MCM9: variants seen among roughly 807,000 people sequenced by gnomAD.
The protein encoded by MCM9 is DNA helicase MCM9.
Under a neutral mutation model 72.8 loss-of-function variants are expected in MCM9, and 55 were observed. The observed-to-expected ratio is 0.76, with a 90% CI of 0.61 to 0.95. The LOEUF is 0.95. Ranked by LOEUF, MCM9 falls within the 40% of genes least tolerant of loss-of-function variation. The pLI is 0.00. For missense variants in MCM9, 1,279 were observed against 1,377.0 expected (o/e 0.93, Z 1.13); for synonymous variants, 480 against 503.4 (o/e 0.95, Z 0.62).
chr6:118,882,473 A>G (rs985090638), intron 8 of MCM9, among the ~76,000 whole-genome samples: 8 of 152,232 alleles, frequency 5.3e-5, no homozygotes, highest in Admixed American at 1.3e-4. Flanking sequence ...GAAACAGCCA[A>G]CAAGAGCACT....
chr6:118,921,473 G>T (rs1781421797), intron 5 of MCM9: 1 of 152,198 alleles, frequency 6.6e-6, no homozygotes, highest in Non-Finnish European at 1.5e-5. Context: ...ATCGGCCAAT[G>T]AAAACATTGA....
At chr6:118,882,715 TAC>T (rs201133504) in intron 8 of MCM9, among the ~76,000 whole-genome samples, 11,594 of 152,084 alleles carry the variant, frequency 0.076, 680 homozygotes, top group East Asian at 0.19. Context: ...AGAGTGACTG[TAC>T]ACACACGTAA....
chr6:118,855,514 T>TC (rs528565427), intron 9 of MCM9, among the ~76,000 whole-genome samples: 162 of 151,902 alleles, frequency 1.1e-3, no homozygotes, highest in Middle Eastern at 3.4e-3. Context: ...TATCCTACTC[T>TC]CCCCCCCTCC....
intron 5 of MCM9, chr6:118,919,677 A>G (rs1781277908): frequency 6.6e-6 from 1 of 152,202 alleles, no homozygotes; most frequent in African/African-American, 2.4e-5. Flanking sequence ...AAACTTCTGT[A>G]TTTTTCAAAA....
chr6:118,818,166 C>T (rs939776310), intron 13 of MCM9, among the ~76,000 whole-genome samples: 2 of 152,122 alleles, frequency 1.3e-5, no homozygotes, highest in Non-Finnish European at 2.9e-5. Flanking sequence ...GCTTTTGTTG[C>T]AATTGCTTTT....
In MCM9 at chr6:118,892,831, G is replaced by C. The variant is rs375523209; in HGVS notation, c.1150+18819C>G. 4.6e-5 allele frequency among the ~76,000 whole-genome samples: 7 copies of C among 152,290 alleles called. No homozygotes were observed. The East Asian group carries it at 1.4e-3, about 29-fold the overall frequency. On this transcript the variant is annotated intron_variant, in intron 8 of 13. Transcript: ENST00000619706. ...CCCACTCTAACCGGTTTTCCTAAAT[G>C]TACGAGGGGTTGACATTAGCTGTCT...
At chr6:118,872,298 G>A (rs1777652330) in intron 8 of MCM9, among the ~76,000 whole-genome samples, 1 of 144,846 alleles carries the variant, frequency 6.9e-6, no homozygotes, top group Non-Finnish European at 1.5e-5. Context: ...CAGCCTGGGC[G>A]ATGGAGCAAG....
At chr6:118,913,521 T>C in intron 6 of MCM9, 101 bp from the exon 7 acceptor site, 1 of 1,439,312 alleles carries the variant, frequency 6.9e-7, no homozygotes, top group Non-Finnish European at 9.5e-7. Flanking sequence ...TTAAATATAC[T>C]CTACTATGTG....
At chr6:118,855,573 C>T (rs1456227582) in intron 9 of MCM9, among the ~76,000 whole-genome samples, 1 of 152,090 alleles carries the variant, frequency 6.6e-6, no homozygotes, top group Admixed American at 6.6e-5. Context: ...ACAAATAGAT[C>T]TCATAGAATC....
chr6:118,922,158 T>A, intron 4 of MCM9, 72 bp from the exon 5 acceptor site: 1 of 1,087,232 alleles, frequency 9.2e-7, no homozygotes, highest in Non-Finnish European at 1.3e-6. Context: ...CTAGCAGTAC[T>A]TGAAATTACT....
intron 5 of MCM9, 81 bp downstream of exon 5, chr6:118,921,924 T>C (rs1427337407): frequency 9.6e-7 from 1 of 1,037,300 alleles, no homozygotes; most frequent in African/African-American, 1.6e-5. Context: ...CCAGTGATCT[T>C]GGGAAAATAA....
At chr6:118,932,539 G>A (rs1387063142) in intron 2 of MCM9, 68 bp downstream of exon 2, 1 of 867,688 alleles carries the variant, frequency 1.2e-6, no homozygotes, top group Non-Finnish European at 1.4e-6. Flanking sequence ...ATTCTTTCGT[G>A]TGCTCTCTCT....
chr6:118,913,494 T>A, intron 6 of MCM9, 74 bp from the exon 7 acceptor site: 1 of 1,574,348 alleles, frequency 6.4e-7, no homozygotes, highest in Non-Finnish European at 8.7e-7. Context: ...CTTCCTTTCC[T>A]ATCTGACCAT....
chr6:118,869,719 G>A (rs983392099), intron 8 of MCM9, among the ~76,000 whole-genome samples: 1 of 151,410 alleles, frequency 6.6e-6, no homozygotes, highest in African/African-American at 2.4e-5. Context: ...TAGAGTGGCT[G>A]AATGGATAAA....
At chr6:118,911,950 T>G (rs1780586144) in intron 7 of MCM9, 181 bp from the exon 8 acceptor site, 2 of 461,940 alleles carry the variant, frequency 4.3e-6, no homozygotes, top group Admixed American at 7.7e-5. Context: ...GATTACTCAA[T>G]GTGACATAGA....
At chr6:118,846,539 G>A (rs981388942) in intron 9 of MCM9, among the ~76,000 whole-genome samples, 8 of 151,714 alleles carry the variant, frequency 5.3e-5, no homozygotes, top group Admixed American at 5.2e-4. Flanking sequence ...TAGACAGAGG[G>A]GCCTGAAAGT....
intron 3 of MCM9, among the ~76,000 whole-genome samples, chr6:118,926,268 C>G (rs1000718324): frequency 6.6e-6 from 1 of 152,192 alleles, no homozygotes; most frequent in African/African-American, 2.4e-5. Flanking sequence ...ACCTAACCCA[C>G]TGAACATCAT....
Position 118,814,142 on chromosome 6 carries a change from T to C in MCM9, c.*682A>G, listed in dbSNP as rs527578885. The stretch of plus-strand genomic sequence containing the variant: ...AGAAAAAAGAATCTGAAGTACAAAA[T>C]GTTGGCTCAAGAAAGAAAGGACAAC... On this transcript the variant is annotated 3_prime_UTR_variant, in exon 14 of 14. Coordinates refer to ENST00000619706, the MANE Select transcript of MCM9 (RefSeq NM_017696.3). 5 of 152,224 alleles carry C rather than the reference T, an allele frequency of 3.3e-5. No individual in the cohort carries two copies. Among genetic ancestry groups the C allele is most frequent in the African/African-American group, 1.2e-4 (5 of 41,524 alleles). The allele number at this position is 152,224 out of a possible 1,614,324, so 9.4% of individuals were successfully genotyped here.
intron 8 of MCM9, chr6:118,894,388 C>G (rs747874429): frequency 7.2e-6 from 11 of 1,536,966 alleles, no homozygotes; most frequent in South Asian, 7.1e-5. Flanking sequence ...AGCCCCAGTT[C>G]CCATTGTTTG....
Sources: allele counts gnomAD v4.1 joint callset (sites outside exome capture counted in the v4.1 genomes callset), GRCh38; gene constraint gnomAD v4.1.1; transcripts MANE v1.5; gene names NCBI Gene and HGNC (gene_info 2026-07-23, HGNC 2026-07-21).